The following RIT2 variants were observed in gnomAD, a reference collection of about 807,000 sequenced individuals.
The protein encoded by RIT2 is Ras like without CAAX 2.
RIT2 carries 24 observed loss-of-function variants against 23.7 expected under a neutral mutation model. The ratio of observed to expected loss-of-function variants is 1.01; its 90% CI spans 0.73 to 1.43. The LOEUF (loss-of-function observed/expected upper bound fraction) is 1.43. RIT2 is among the 40% of genes most tolerant of loss of function. RIT2 has a pLI of 0.00. For synonymous variants in RIT2, 107 were observed against 91.1 expected (o/e 1.17, Z -0.99); for missense variants, 236 against 266.9 (o/e 0.88, Z 0.81).
chr18:42,759,786 T>A (rs1453381327), intron 4 of RIT2, among the ~76,000 whole-genome samples: 1 of 150,306 alleles, frequency 6.7e-6, no homozygotes. Flanking sequence ...TATATAAATT[T>A]TTTTTTCAAG....
chr18:42,796,803 T>C (rs536172073), intron 4 of RIT2, among the ~76,000 whole-genome samples: 1 of 152,324 alleles, frequency 6.6e-6, no homozygotes, highest in South Asian at 2.1e-4. Flanking sequence ...AAGACTCAGT[T>C]GCCAGAACTG....
At chr18:42,905,425 T>A (rs564799289) in intron 4 of RIT2, among the ~76,000 whole-genome samples, 1 of 152,308 alleles carries the variant, frequency 6.6e-6, no homozygotes, top group Non-Finnish European at 1.5e-5. Context: ...AAACATTCTG[T>A]ATTATATCTA....
intron 4 of RIT2, among the ~76,000 whole-genome samples, chr18:42,896,021 T>G (rs921283201): frequency 6.6e-6 from 1 of 152,194 alleles, no homozygotes; most frequent in Non-Finnish European, 1.5e-5. Flanking sequence ...TCCTGGCACT[T>G]TGGGAGGCCA....
intron 1 of RIT2, among the ~76,000 whole-genome samples, chr18:43,084,154 T>A (rs1187752682): frequency 6.6e-6 from 1 of 152,196 alleles, no homozygotes; most frequent in East Asian, 1.9e-4. Flanking sequence ...TCACTGGTCA[T>A]TAGAGAAATG....
intron 4 of RIT2, among the ~76,000 whole-genome samples, chr18:42,839,322 G>GA (rs1393916680): frequency 1.3e-5 from 2 of 151,742 alleles, no homozygotes; most frequent in Non-Finnish European, 2.9e-5. Context: ...AGTGAAGAAA[G>GA]AAAAAAAATA....
chr18:42,837,690 A>T (rs1906655565), intron 4 of RIT2, among the ~76,000 whole-genome samples: 1 of 152,186 alleles, frequency 6.6e-6, no homozygotes, highest in South Asian at 2.1e-4. Flanking sequence ...CAAAGAAAGT[A>T]TTCGGATTTG....
At chr18:42,780,969 G>A (rs1026084842) in intron 4 of RIT2, among the ~76,000 whole-genome samples, 1 of 151,900 alleles carries the variant, frequency 6.6e-6, no homozygotes, top group East Asian at 1.9e-4. Context: ...AGGAAACTGA[G>A]GCAAAAAGAA....
At chr18:43,053,694 G>T (rs1912436654) in intron 1 of RIT2, among the ~76,000 whole-genome samples, 1 of 152,032 alleles carries the variant, frequency 6.6e-6, no homozygotes, top group Non-Finnish European at 1.5e-5. Context: ...AATGTTAGGT[G>T]TTTTAAAAGA....
intron 4 of RIT2, among the ~76,000 whole-genome samples, chr18:42,749,764 A>G (rs1487337341): frequency 2.0e-5 from 3 of 151,880 alleles, no homozygotes; most frequent in Non-Finnish European, 4.4e-5. Flanking sequence ...ACACACAAAA[A>G]TAGAAATTCT....
intron 1 of RIT2, among the ~76,000 whole-genome samples, chr18:43,044,200 A>G (rs1486479312): frequency 6.6e-6 from 1 of 152,174 alleles, no homozygotes; most frequent in Non-Finnish European, 1.5e-5. Context: ...AGCTTTTAAT[A>G]CTGACAATGT....
chr18:42,963,098 T>C (rs1314021794), intron 3 of RIT2, among the ~76,000 whole-genome samples: 3 of 152,170 alleles, frequency 2.0e-5, no homozygotes, highest in Non-Finnish European at 4.4e-5. Flanking sequence ...TGCTGCCTAA[T>C]TGCAGAATTG....
rs146444453 is a variant in RIT2, at chr18:42,926,633, G to T, written c.235-2870C>A. Among the ~76,000 whole-genome samples, 11 of 151,990 alleles carry T rather than the reference G, an allele frequency of 7.2e-5. No homozygotes were observed. The East Asian group carries it at 2.1e-3, about 29-fold the overall frequency. On this transcript the variant is annotated intron_variant, in intron 3 of 4. Transcript: ENST00000326695. ...GCAACATTCACAGAGAATATTGGATGATTGAATAAATAAAAGTCCAACAGT... is the reference window on the plus strand; with the variant it reads ...GCAACATTCACAGAGAATATTGGATTATTGAATAAATAAAAGTCCAACAGT...
chr18:42,808,952 TA>T (rs1259505489), intron 4 of RIT2, among the ~76,000 whole-genome samples: 3 of 152,152 alleles, frequency 2.0e-5, no homozygotes, highest in African/African-American at 7.2e-5. Context: ...CCAAGCTTTC[TA>T]GCAACGTTAA....
chr18:43,008,639 T>C (rs1911278917), intron 2 of RIT2, among the ~76,000 whole-genome samples: 1 of 151,572 alleles, frequency 6.6e-6, no homozygotes, highest in Admixed American at 6.6e-5. Context: ...ATTCAGACCA[T>C]TTATTTCATT....
At chr18:42,894,302 G>T (rs1908263200) in intron 4 of RIT2, among the ~76,000 whole-genome samples, 1 of 152,170 alleles carries the variant, frequency 6.6e-6, no homozygotes, top group Non-Finnish European at 1.5e-5. Flanking sequence ...CCAAATTCTA[G>T]CAGAAATCAA....
Position 42,887,862 on chromosome 18 carries a change from G to A in RIT2, c.426+35710C>T, listed in dbSNP as rs528173096. Reference sequence around the variant, plus strand: ...GAGCTATTAAGTTGTCAGAAGACATGGAAGAAGCTTAAATGTCTATTACTT... The same window carrying A: ...GAGCTATTAAGTTGTCAGAAGACATAGAAGAAGCTTAAATGTCTATTACTT... On this transcript the variant is annotated intron_variant, in intron 4 of 4. Coordinates refer to ENST00000326695, the MANE Select transcript of RIT2 (RefSeq NM_002930.4). Among the ~76,000 whole-genome samples the A allele has an allele frequency of 2.0e-5, 3 of 152,250 alleles. No individual in the cohort carries two copies. The South Asian group carries it at 6.2e-4, about 32-fold the overall frequency.
intron 1 of RIT2, among the ~76,000 whole-genome samples, chr18:43,102,919 G>C (rs749441863): frequency 6.6e-6 from 1 of 152,118 alleles, no homozygotes; most frequent in African/African-American, 2.4e-5. Context: ...CTCCCAAAGC[G>C]CTGGGATTAT....
At chr18:42,971,592 C>T (rs1226126071) in intron 3 of RIT2, among the ~76,000 whole-genome samples, 2 of 151,958 alleles carry the variant, frequency 1.3e-5, no homozygotes, top group Admixed American at 1.3e-4. Context: ...CAAGACAAAC[C>T]ACCTCAAACT....
chr18:42,920,792 T>A lies in RIT2; in HGVS notation c.426+2780A>T, dbSNP rs764239369. 3.7e-5 allele frequency: 54 copies of A among 1,470,308 alleles called. No individual in the cohort carries two copies. In the South Asian group the frequency reaches 4.1e-4, roughly 11 times the overall value. The allele number at this position is 1,470,308 out of a possible 1,614,324, so 91.1% of individuals were successfully genotyped here. On this transcript the variant is annotated intron_variant, in intron 4 of 4. Coordinates refer to ENST00000326695, the MANE Select transcript of RIT2 (RefSeq NM_002930.4). ...AGGAATAAGAATTGCTTAGTGAGAA[T>A]CCTACTCCTTTGCCTCTCACCACTA...
Sources: allele counts gnomAD v4.1 joint callset (sites outside exome capture counted in the v4.1 genomes callset), GRCh38; gene constraint gnomAD v4.1.1; transcripts MANE v1.5; gene names NCBI Gene and HGNC (gene_info 2026-07-23, HGNC 2026-07-21).